Variants in KCNT2 observed in about 807,000 individuals in gnomAD.
The protein encoded by KCNT2 is potassium channel subfamily T member 2.
A neutral mutation model predicts 153.8 loss-of-function variants in KCNT2; 67 were observed. The ratio of observed to expected loss-of-function variants is 0.44; its 90% CI spans 0.36 to 0.53. The LOEUF (loss-of-function observed/expected upper bound fraction) is 0.53, where lower values mean the gene tolerates loss of function less well. KCNT2 is among the 20% of genes least tolerant of loss of function. KCNT2 has a pLI of 0.00. For synonymous variants in KCNT2, 500 were observed against 458.8 expected, an observed-to-expected ratio of 1.09 and a Z score of -1.15; for missense variants, 975 against 1,354.8, an observed-to-expected ratio of 0.72 and a Z score of 4.40.
At chr1:196,397,521 T>C (rs1190697275) in intron 13 of KCNT2, among the ~76,000 whole-genome samples, 2 of 151,480 alleles carry the variant, frequency 1.3e-5, no homozygotes, top group Admixed American at 1.3e-4. Context: ...TCAGAATCTC[T>C]ATGATCAGTA....
intron 13 of KCNT2, among the ~76,000 whole-genome samples, chr1:196,384,707 CAAAAAAA>C (rs60975976): frequency 2.6e-5 from 2 of 75,500 alleles, no homozygotes; most frequent in African/African-American, 9.8e-5. Flanking sequence ...ACCCCATCTC[CAAAAAAA>C]AAAAAAAAAA....
chr1:196,236,332 C>T (rs533089441), intron 26 of KCNT2, among the ~76,000 whole-genome samples: 6 of 151,174 alleles, frequency 4.0e-5, no homozygotes, highest in Non-Finnish European at 5.9e-5. Context: ...TATAGTTTAC[C>T]GTTTATTACA....
intron 8 of KCNT2, among the ~76,000 whole-genome samples, chr1:196,459,296 C>T (rs1007376632): frequency 6.6e-6 from 1 of 151,316 alleles, no homozygotes; most frequent in Non-Finnish European, 1.5e-5. Context: ...ATCCTGTGCC[C>T]TAATGTACAA....
chr1:196,385,081 T>C (rs1669847740), intron 13 of KCNT2, among the ~76,000 whole-genome samples: 1 of 152,200 alleles, frequency 6.6e-6, no homozygotes, highest in Non-Finnish European at 1.5e-5. Context: ...GAATTCTTAA[T>C]GCAAAGTAAG....
intron 1 of KCNT2, among the ~76,000 whole-genome samples, chr1:196,588,125 T>A (rs2148993871): frequency 6.6e-6 from 1 of 152,168 alleles, no homozygotes; most frequent in Non-Finnish European, 1.5e-5. Flanking sequence ...ACGGAGTGGC[T>A]TTTGAATATC....
intron 1 of KCNT2, among the ~76,000 whole-genome samples, chr1:196,595,096 C>T (rs1049212539): frequency 6.6e-6 from 1 of 151,702 alleles, no homozygotes; most frequent in African/African-American, 2.4e-5. Context: ...ATGAGCTATG[C>T]TGGCAAGTGC....
intron 1 of KCNT2, among the ~76,000 whole-genome samples, chr1:196,576,036 T>A (rs1367986796): frequency 6.7e-6 from 1 of 150,266 alleles, no homozygotes; most frequent in South Asian, 2.1e-4. Flanking sequence ...ACTAATCTAA[T>A]GACTATTTAT....
At chr1:196,327,802 G>A (rs1022255801) in intron 18 of KCNT2, among the ~76,000 whole-genome samples, 8 of 151,486 alleles carry the variant, frequency 5.3e-5, no homozygotes, top group Non-Finnish European at 1.0e-4. Context: ...GAGTAGCTGG[G>A]ACTACAGGTG....
At position 196,326,765 on chromosome 1, in the gene KCNT2, T is replaced by C; in HGVS notation, c.2228A>G (p.Tyr743Cys). The C allele has an allele frequency of 1.9e-6, 3 of 1,573,802 alleles. No homozygotes were observed. The highest frequency in any genetic ancestry group is 2.6e-6 in the Non-Finnish European group (3 of 1,164,774). Residue 743 changes from tyrosine (Y) to cysteine (C), a missense_variant, in exon 19 of 28, where the codon TAT (tyrosine) becomes TGT (cysteine). Physicochemically the swap from Tyr to Cys is radical, Grantham distance 194. Transcript: ENST00000294725. ...YNFIVPLRAY[Y>C]RPKKELNPIV... ...GGGATTAAGTTCTTTCTTTGGTCTA[T>C]AATATGCCCTGAGAGGAACAATAAA... is the stretch of plus-strand genomic sequence containing the variant.
Position 196,366,439 on chromosome 1 carries a change from G to A in KCNT2, c.1403+6701C>T, listed in dbSNP as rs373637091. On this transcript the variant is annotated intron_variant, in intron 14 of 27. Coordinates refer to ENST00000294725, the MANE Select transcript of KCNT2 (RefSeq NM_198503.5). Reference sequence around the variant, plus strand: ...CTCCCAAAGTGCTGGGATTACAGGCGTGAGCCACCACACCCGGCTTTTGCT... The same window carrying A: ...CTCCCAAAGTGCTGGGATTACAGGCATGAGCCACCACACCCGGCTTTTGCT... Among the ~76,000 whole-genome samples, 75 of 152,162 alleles carry A rather than the reference G, an allele frequency of 4.9e-4. No individual in the cohort carries two copies. In the East Asian group the frequency reaches 0.011, roughly 23 times the overall value.
chr1:196,354,278 A>G lies in KCNT2; in HGVS notation c.1404-12050T>C, dbSNP rs527983797. Among the ~76,000 whole-genome samples the G allele has an allele frequency of 1.4e-4, 21 of 151,872 alleles. No individual in the cohort carries two copies. The East Asian group carries it at 4.1e-3, about 29-fold the overall frequency. On this transcript the variant is annotated intron_variant, in intron 14 of 27. Transcript: ENST00000294725. The stretch of plus-strand genomic sequence containing the variant: ...TTGTTTTAAGCACCTCTACACTGTA[A>G]TCCTTGGATTTAGTTTGCTAGTACA...
At chr1:196,583,505 ATT>A (rs562418156) in intron 1 of KCNT2, among the ~76,000 whole-genome samples, 12 of 152,212 alleles carry the variant, frequency 7.9e-5, no homozygotes, top group Non-Finnish European at 1.5e-4. Context: ...ATATAATTAC[ATT>A]TATTGAAGTT....
intron 14 of KCNT2, among the ~76,000 whole-genome samples, chr1:196,348,539 T>C (rs2148197695): frequency 6.6e-6 from 1 of 152,274 alleles, no homozygotes; most frequent in Non-Finnish European, 1.5e-5. Flanking sequence ...CTATATTGAC[T>C]AGTCATTGAA....
At chr1:196,477,113 CT>C (rs1292858544) in intron 5 of KCNT2, among the ~76,000 whole-genome samples, 1 of 151,694 alleles carries the variant, frequency 6.6e-6, no homozygotes, top group Non-Finnish European at 1.5e-5. Context: ...TCTATACTTT[CT>C]TATTCATCAA....
chr1:196,607,580 AT>A (rs1357346857), intron 1 of KCNT2, among the ~76,000 whole-genome samples: 10 of 152,368 alleles, frequency 6.6e-5, no homozygotes, highest in African/African-American at 2.4e-4. Flanking sequence ...TACAAACATC[AT>A]TATTCATAAT....
intron 1 of KCNT2, among the ~76,000 whole-genome samples, chr1:196,528,029 C>A (rs1654470215): frequency 6.6e-6 from 1 of 152,192 alleles, no homozygotes; most frequent in South Asian, 2.1e-4. Flanking sequence ...ACCAATCTAA[C>A]AATCTCCACA....
intron 25 of KCNT2, among the ~76,000 whole-genome samples, chr1:196,270,990 C>G (rs912760): frequency 6.6e-6 from 1 of 151,684 alleles, no homozygotes; most frequent in Admixed American, 6.6e-5. Flanking sequence ...AATGTGAGTA[C>G]AGCACCTCCC....
intron 1 of KCNT2, among the ~76,000 whole-genome samples, chr1:196,497,939 T>C (rs192848646): frequency 1.3e-5 from 2 of 152,314 alleles, no homozygotes; most frequent in Non-Finnish European, 2.9e-5. Flanking sequence ...TATTCTAGTA[T>C]CTTCGAATAT....
intron 22 of KCNT2, among the ~76,000 whole-genome samples, chr1:196,289,101 T>C (rs1478984559): frequency 1.3e-5 from 2 of 152,106 alleles, no homozygotes; most frequent in African/African-American, 4.8e-5. Context: ...ATATTTTTAT[T>C]ATCAGTTGTT....
Sources: allele counts gnomAD v4.1 joint callset (sites outside exome capture counted in the v4.1 genomes callset), GRCh38; gene constraint gnomAD v4.1.1; transcripts MANE v1.5; gene names NCBI Gene and HGNC (gene_info 2026-07-23, HGNC 2026-07-21).